The following HIPK1 variants were observed in gnomAD, a reference collection of about 807,000 sequenced individuals.
HIPK1 encodes the protein homeodomain interacting protein kinase 1, also known as homeodomain-interacting protein kinase 1.
A neutral mutation model predicts 117.1 loss-of-function variants in HIPK1; 28 were observed. The ratio of observed to expected loss-of-function variants is 0.24; its 90% CI spans 0.18 to 0.33. The LOEUF (loss-of-function observed/expected upper bound fraction) is 0.33, where lower values mean the gene tolerates loss of function less well. Among genes scored for constraint, HIPK1 ranks in the 10% least tolerant of loss-of-function variants. The pLI is 1.00. For missense variants in HIPK1, 1,122 were observed against 1,475.1 expected (o/e 0.76, Z 3.92); for synonymous variants, 605 against 562.5 (o/e 1.08, Z -1.07).
chr1:113,929,907 C>G (rs1036334291), intron 1 of HIPK1: 22 of 986,276 alleles, frequency 2.2e-5, no homozygotes, highest in Non-Finnish European at 2.5e-5. Flanking sequence ...CACGGCAGCC[C>G]CAGCTCGCGG....
rs1673090374 is a variant in HIPK1 at position 113,975,394 on chromosome 1, A to G, written c.*1882A>G. On this transcript the variant is annotated 3_prime_UTR_variant, in exon 16 of 16. Transcript: ENST00000426820. Reference sequence around the variant, plus strand: ...GAGTTCTCACAGAAGCATTTTCCCCATGTGGCTCTCTCACTGTGCGTTGCT... The same window carrying G: ...GAGTTCTCACAGAAGCATTTTCCCCGTGTGGCTCTCTCACTGTGCGTTGCT... 6.5e-6 allele frequency: 1 copy of G among 152,700 alleles called. No homozygotes were observed. Among genetic ancestry groups the G allele is most frequent in the African/African-American group, 2.4e-5 (1 of 41,420 alleles). 9.5% of individuals were successfully genotyped at this position (152,700 alleles called of 1,614,324 possible).
chr1:113,954,706 G>T lies in HIPK1; in HGVS notation c.1256G>T (p.Gly419Val). 6.2e-7 allele frequency: 1 copy of T among 1,613,868 alleles called. No homozygotes were observed. Among genetic ancestry groups the T allele is most frequent in the South Asian group, 1.1e-5 (1 of 91,076 alleles). The change falls in exon 4 of 16, where the codon GGA (glycine) becomes GTA (valine). Residue 419 changes from glycine (G) to valine (V), a missense_variant. Physicochemically the swap from Gly to Val is moderately radical, Grantham distance 109. Coordinates refer to ENST00000426820, the MANE Select transcript of HIPK1 (RefSeq NM_198268.3). ...CCAGCTGAATATCTTCTCAGTGCCG[G>T]AACAAAAACAACCAGGTTTTTCAAC... The part of the protein sequence containing the change: ...GLPAEYLLSA[G>V]TKTTRFFNRD...
At chr1:113,956,837 T>C in intron 6 of HIPK1, 26 bp downstream of exon 6, 2 of 1,605,398 alleles carry the variant, frequency 1.2e-6, no homozygotes, top group Non-Finnish European at 1.7e-6. Context: ...TCTGGGGCTT[T>C]TGCCATGTGG....
rs1036990387 is a variant in HIPK1, at chr1:113,941,921, G to A, written c.1076+462G>A. 6.6e-6 allele frequency among the ~76,000 whole-genome samples: 1 copy of A among 151,866 alleles called. No homozygotes were observed. Among genetic ancestry groups the A allele is most frequent in the African/African-American group, 2.4e-5 (1 of 41,330 alleles). On this transcript the variant is annotated intron_variant, in intron 2 of 15. Transcript: ENST00000426820. The surrounding 1 kb of genome is among the most constrained non-coding windows in gnomAD (Gnocchi z 4.9). ...ACCACAGGCACCCGCCATCACGCCCGGCTAATTTTTTTTGTATTTTTAGTA... is the reference window on the plus strand; with the variant it reads ...ACCACAGGCACCCGCCATCACGCCCAGCTAATTTTTTTTGTATTTTTAGTA...
Position 113,968,443 on chromosome 1 carries a change from T to C in HIPK1, c.2566T>C (p.Ser856Pro). 1 of 1,610,748 alleles carries C rather than the reference T, an allele frequency of 6.2e-7. No homozygotes were observed. The change falls in exon 13 of 16, where the codon TCC (serine) becomes CCC (proline). Residue 856 changes from serine (S) to proline (P), a missense_variant and splice_region_variant. Ser to Pro is a moderately conservative substitution (Grantham distance 74). Transcript: ENST00000426820. ...NKQSAPVSSK[S>P]SLDVLPSQVY... is the part of the protein sequence containing the mutation. ...TTTCCATGTGAACTTTTCCTACAGG[T>C]CCTCTCTAGATGTTCTGCCTTCCCA...
intron 13 of HIPK1, 95 bp from the exon 14 acceptor site, chr1:113,969,861 C>A: frequency 7.3e-7 from 1 of 1,374,472 alleles, no homozygotes; most frequent in Non-Finnish European, 1.0e-6. Context: ...GAGCTGTGAT[C>A]ACTCCACTGC....
intron 10 of HIPK1, among the ~76,000 whole-genome samples, chr1:113,963,769 C>T (rs1672278071): frequency 6.6e-6 from 1 of 152,128 alleles, no homozygotes; most frequent in Non-Finnish European, 1.5e-5. Flanking sequence ...GGTTATGTGG[C>T]TCTGTAAGGA....
chr1:113,935,292 T>C (rs1029605216), intron 1 of HIPK1, among the ~76,000 whole-genome samples: 1 of 152,182 alleles, frequency 6.6e-6, no homozygotes, highest in Admixed American at 6.5e-5. Flanking sequence ...TGGTTTTCTG[T>C]TCTGTGTTTG....
At chr1:113,932,631 G>A (rs969500005) in intron 1 of HIPK1, among the ~76,000 whole-genome samples, 1 of 151,904 alleles carries the variant, frequency 6.6e-6, no homozygotes, top group Non-Finnish European at 1.5e-5. Flanking sequence ...CACCTGCCTC[G>A]GCCTCCCAAA....
chr1:113,972,718 A>G (rs747019317), intron 15 of HIPK1, among the ~76,000 whole-genome samples: 1 of 152,236 alleles, frequency 6.6e-6, no homozygotes, highest in Non-Finnish European at 1.5e-5. Context: ...TGACGCCAGA[A>G]TAGGGTGAGT....
At chr1:113,962,896 A>G (rs1167559313) in intron 9 of HIPK1, among the ~76,000 whole-genome samples, 4 of 152,208 alleles carry the variant, frequency 2.6e-5, no homozygotes, top group African/African-American at 9.7e-5. Context: ...CTCTTCACAT[A>G]TTACATTCCT....
chr1:113,969,923 A>C (rs777474919), intron 13 of HIPK1, 33 bp from the exon 14 acceptor site: 10 of 1,611,814 alleles, frequency 6.2e-6, no homozygotes, highest in Non-Finnish European at 8.5e-6. Context: ...AAAAAAGAAC[A>C]ATTCAATTTT....
chr1:113,930,181 C>T (rs1456055670), intron 1 of HIPK1, among the ~76,000 whole-genome samples: 2 of 152,244 alleles, frequency 1.3e-5, no homozygotes, highest in African/African-American at 2.4e-5. Context: ...GGCAACTCCC[C>T]CTGCCTCCTG....
At chr1:113,930,244 C>T (rs577100884) in intron 1 of HIPK1, among the ~76,000 whole-genome samples, 128 of 152,382 alleles carry the variant, frequency 8.4e-4, no homozygotes, top group African/African-American at 3.1e-3. Flanking sequence ...CGCCTTGCGT[C>T]TCCTCACTCG....
intron 13 of HIPK1, 146 bp downstream of exon 13, chr1:113,968,794 G>A: frequency 4.5e-6 from 3 of 660,634 alleles, no homozygotes; most frequent in Non-Finnish European, 8.1e-6. Flanking sequence ...GTTGAGGCCA[G>A]CAGATCACCT....
chr1:113,971,278 A>T (rs1293918189), intron 14 of HIPK1, among the ~76,000 whole-genome samples: 2 of 152,240 alleles, frequency 1.3e-5, no homozygotes, highest in Admixed American at 1.3e-4. Flanking sequence ...ATAGGCTATC[A>T]CATGAGACAC....
rs1002391787 is a variant in HIPK1, at chr1:113,973,965, C to G, written c.*453C>G. The G allele has an allele frequency of 1.3e-5, 2 of 153,380 alleles. No individual in the cohort carries two copies. Among genetic ancestry groups the G allele is most frequent in the African/African-American group, 4.8e-5 (2 of 41,432 alleles). The allele number at this position is 153,380 out of a possible 1,614,324, so 9.5% of individuals were successfully genotyped here. ...GATAGAAGGAGTTGAAATCTGATGACAAAAAAAGAAAAATTACTTTTTGTT... is the reference window on the plus strand; with the variant it reads ...GATAGAAGGAGTTGAAATCTGATGAGAAAAAAAGAAAAATTACTTTTTGTT... On this transcript the variant is annotated 3_prime_UTR_variant, in exon 16 of 16. Coordinates refer to ENST00000426820, the MANE Select transcript of HIPK1 (RefSeq NM_198268.3).
chr1:113,952,368 T>A (rs1336713474), intron 2 of HIPK1, among the ~76,000 whole-genome samples: 1 of 152,190 alleles, frequency 6.6e-6, no homozygotes. Flanking sequence ...AAATTTTTCT[T>A]TAAGTTTGGT....
chr1:113,954,697 T>A lies in HIPK1; in HGVS notation c.1247T>A (p.Leu416His). 1 of 1,613,848 alleles carries A rather than the reference T, an allele frequency of 6.2e-7. No individual in the cohort carries two copies. Among genetic ancestry groups the A allele is most frequent in the South Asian group, 1.1e-5 (1 of 91,082 alleles). Residue 416 changes from leucine to histidine, a missense_variant, in exon 4 of 16, where the codon CTC becomes CAC. This residue lies in a region of HIPK1 where 127 missense variants were observed against 197.9 expected (regional missense o/e 0.64). Transcript: ENST00000426820. Reference sequence around the variant, plus strand: ...CAAGGCTTGCCAGCTGAATATCTTCTCAGTGCCGGAACAAAAACAACCAGG... The same window carrying A: ...CAAGGCTTGCCAGCTGAATATCTTCACAGTGCCGGAACAAAAACAACCAGG... ...QTQGLPAEYL[L>H]SAGTKTTRFF... is the part of the protein sequence containing the mutation.
Sources: gnomAD v4.1 joint callset for allele counts (sites outside exome capture counted in the v4.1 genomes callset) on GRCh38, gnomAD v4.1.1 for gene constraint, gnomAD v4.1.1 regional missense constraint, Gnocchi (gnomAD v3.1) non-coding constraint, MANE v1.5 for transcripts, NCBI Gene and HGNC (gene_info 2026-07-23, HGNC 2026-07-21) for gene names.